Variants in MBD5 observed in about 807,000 individuals in gnomAD.
MBD5 encodes the protein methyl-CpG-binding domain protein 5.
A neutral mutation model predicts 117.3 loss-of-function variants in MBD5; 13 were observed. That is an observed-to-expected ratio of 0.11 (90% CI 0.07 to 0.18). MBD5 has a LOEUF of 0.18. Ranked by LOEUF, MBD5 falls within the 10% of genes least tolerant of loss-of-function variation. The pLI, the probability that MBD5 is intolerant of heterozygous loss-of-function variation, is 1.00. For missense variants in MBD5, 1,879 were observed against 2,093.8 expected (o/e 0.90, Z 2.00); for synonymous variants, 727 against 766.4 (o/e 0.95, Z 0.85).
intron 1 of MBD5, among the ~76,000 whole-genome samples, chr2:148,065,557 T>G (rs140456162): frequency 3.4e-3 from 523 of 152,204 alleles, no homozygotes; most frequent in East Asian, 8.3e-3. Flanking sequence ...ACAAAATATG[T>G]CAAAAAAATC....
At chr2:148,494,458 A>T (rs746412431) in intron 11 of MBD5, among the ~76,000 whole-genome samples, 1 of 152,196 alleles carries the variant, frequency 6.6e-6, no homozygotes, top group Non-Finnish European at 1.5e-5. Flanking sequence ...ACCTTCCCAC[A>T]TAACTCTCTT....
Position 148,067,075 on chromosome 2 carries a change from T to C in MBD5, c.-925+45391T>C, listed in dbSNP as rs1352520672. 2.6e-5 allele frequency among the ~76,000 whole-genome samples: 4 copies of C among 151,902 alleles called. No individual in the cohort carries two copies. The East Asian group carries it at 5.8e-4, about 22-fold the overall frequency. ...AACTGAGTGTAGATTTAAGGTTAGC[T>C]ATGTCCATTCTGGTTAATGCTAAGA... On this transcript the variant is annotated intron_variant, in intron 1 of 13. Transcript: ENST00000642680.
chr2:148,507,957 A>G (rs1164972931), intron 12 of MBD5, among the ~76,000 whole-genome samples: 1 of 152,248 alleles, frequency 6.6e-6, no homozygotes, highest in African/African-American at 2.4e-5. Flanking sequence ...AATTTATAAT[A>G]AATAAATGTC....
intron 3 of MBD5, among the ~76,000 whole-genome samples, chr2:148,288,575 A>G (rs1220244572): frequency 2.0e-5 from 3 of 151,708 alleles, no homozygotes; most frequent in Non-Finnish European, 4.4e-5. Context: ...CCTAGCACCA[A>G]TTGATTCACC....
intron 1 of MBD5, among the ~76,000 whole-genome samples, chr2:148,132,335 T>C (rs200304202): frequency 9.0e-4 from 5 of 5,568 alleles, no homozygotes; most frequent in Admixed American, 2.0e-3. Context: ...TATATACATA[T>C]ATATATATAT....
intron 7 of MBD5, among the ~76,000 whole-genome samples, chr2:148,464,492 T>C (rs568277036): frequency 1.3e-5 from 2 of 152,146 alleles, no homozygotes; most frequent in African/African-American, 4.8e-5. Flanking sequence ...AAGTTGCAGT[T>C]ATTGTGACAA....
At chr2:148,453,069 T>C (rs1276088087) in intron 4 of MBD5, among the ~76,000 whole-genome samples, 2 of 152,192 alleles carry the variant, frequency 1.3e-5, no homozygotes, top group African/African-American at 4.8e-5. Context: ...ACTGGGAATA[T>C]GACAAGGTCC....
chr2:148,228,906 T>C (rs1485174915), intron 2 of MBD5, among the ~76,000 whole-genome samples: 1 of 152,222 alleles, frequency 6.6e-6, no homozygotes, highest in East Asian at 1.9e-4. Context: ...TAGAGGTGTT[T>C]ATAGTATTCT....
At chr2:148,022,690 G>C (rs1693790721) in intron 1 of MBD5, among the ~76,000 whole-genome samples, 1 of 151,896 alleles carries the variant, frequency 6.6e-6, no homozygotes, top group Admixed American at 6.6e-5. Context: ...TTTCTCTTGG[G>C]GTTCTGAACC....
intron 4 of MBD5, among the ~76,000 whole-genome samples, chr2:148,374,632 T>A (rs1435442690): frequency 6.6e-6 from 1 of 152,190 alleles, no homozygotes; most frequent in East Asian, 1.9e-4. Context: ...GGCCTGAAGG[T>A]GACCCATATG....
intron 1 of MBD5, among the ~76,000 whole-genome samples, chr2:148,172,139 G>C (rs13409636): frequency 0.13 from 20,424 of 152,258 alleles, 2,008 homozygotes; most frequent in Non-Finnish European, 0.2. Flanking sequence ...CCAGCTGCAG[G>C]GGGGGAGGTG....
intron 1 of MBD5, among the ~76,000 whole-genome samples, chr2:148,145,793 G>T (rs988785472): frequency 6.6e-6 from 1 of 152,182 alleles, no homozygotes; most frequent in African/African-American, 2.4e-5. Flanking sequence ...TCCCAGGGAT[G>T]AAGCACACTT....
At chr2:148,125,125 C>T (rs983917484) in intron 1 of MBD5, among the ~76,000 whole-genome samples, 1 of 151,896 alleles carries the variant, frequency 6.6e-6, no homozygotes, top group Non-Finnish European at 1.5e-5. Flanking sequence ...CATCTCTGAA[C>T]TCAGGTTATA....
intron 3 of MBD5, among the ~76,000 whole-genome samples, chr2:148,290,019 G>A (rs945990298): frequency 2.1e-5 from 3 of 144,874 alleles, no homozygotes; most frequent in East Asian, 2.1e-4. Flanking sequence ...GCAGTAGCAC[G>A]ATCTTAGCTC....
intron 2 of MBD5, among the ~76,000 whole-genome samples, chr2:148,181,833 C>T (rs1417354864): frequency 6.6e-6 from 1 of 152,016 alleles, no homozygotes; most frequent in Non-Finnish European, 1.5e-5. Flanking sequence ...TTAAATATCC[C>T]ATTAAAAATA....
chr2:148,461,176 G>T (rs1296372093), intron 5 of MBD5, among the ~76,000 whole-genome samples: 1 of 152,042 alleles, frequency 6.6e-6, no homozygotes, highest in Non-Finnish European at 1.5e-5. Context: ...CAAGTGATCC[G>T]CCTGCCTCGG....
At chr2:148,429,605 AT>A (rs1422420761) in intron 4 of MBD5, among the ~76,000 whole-genome samples, 6 of 152,212 alleles carry the variant, frequency 3.9e-5, no homozygotes, top group African/African-American at 1.4e-4. Context: ...CCAAATGCTC[AT>A]CAATGATAGA....
chr2:148,209,614 A>G (rs1202850845), intron 2 of MBD5, among the ~76,000 whole-genome samples: 3 of 151,702 alleles, frequency 2.0e-5, no homozygotes, highest in Admixed American at 6.6e-5. Flanking sequence ...TTGCATTGCT[A>G]TAACGGAATA....
At chr2:148,411,552 G>T (rs2105183099) in intron 4 of MBD5, among the ~76,000 whole-genome samples, 1 of 100,206 alleles carries the variant, frequency 1.0e-5, no homozygotes, top group African/African-American at 3.8e-5. Flanking sequence ...TTGCCATTCT[G>T]ACTGATATTA....
Sources: gnomAD v4.1 joint callset for allele counts (sites outside exome capture counted in the v4.1 genomes callset) on GRCh38, gnomAD v4.1.1 for gene constraint, MANE v1.5 for transcripts, NCBI Gene and HGNC (gene_info 2026-07-23, HGNC 2026-07-21) for gene names.